Variants in DENND2A observed in about 807,000 individuals in gnomAD.
DENND2A encodes DENN domain containing 2A.
A neutral mutation model predicts 105.3 loss-of-function variants in DENND2A; 53 were observed. That is an observed-to-expected ratio of 0.50 (90% CI 0.40 to 0.63). The LOEUF (loss-of-function observed/expected upper bound fraction) is 0.63. Ranked by LOEUF, DENND2A falls within the 30% of genes least tolerant of loss-of-function variation. The pLI is 0.00. For missense variants in DENND2A, 1,138 were observed against 1,279.6 expected, an observed-to-expected ratio of 0.89 and a Z score of 1.69; for synonymous variants, 522 against 508.4, an observed-to-expected ratio of 1.03 and a Z score of -0.36.
intron 1 of DENND2A, among the ~76,000 whole-genome samples, chr7:140,630,061 A>C (rs544985016): frequency 6.6e-6 from 1 of 151,216 alleles, no homozygotes; most frequent in African/African-American, 2.4e-5. Context: ...GGGTTTCACC[A>C]TGTTGGCCAG....
intron 1 of DENND2A, among the ~76,000 whole-genome samples, chr7:140,623,800 T>G (rs1800396610): frequency 6.6e-6 from 1 of 151,832 alleles, no homozygotes. Context: ...TAGGCCACAG[T>G]ATCAAAAGGT....
intron 14 of DENND2A, chr7:140,543,463 G>C (rs1386841686): frequency 6.6e-6 from 1 of 151,948 alleles, no homozygotes; most frequent in Non-Finnish European, 1.5e-5. Context: ...CTACCACATA[G>C]CAGAGTGTAT....
In DENND2A at chr7:140,551,966, T is replaced by C. The variant is rs75820657; in HGVS notation, c.2037+3670A>G. Among the ~76,000 whole-genome samples, 1,181 of 152,302 alleles carry C rather than the reference T, an allele frequency of 7.8e-3. 15 individuals are homozygous for C. Among genetic ancestry groups the C allele is most frequent in the African/African-American group, 0.027 (1,140 of 41,552 alleles). On this transcript the variant is annotated intron_variant, in intron 12 of 19. Coordinates refer to ENST00000496613, the MANE Select transcript of DENND2A (RefSeq NM_015689.5). ...CAAAGGACTGTGCATCACAGAAATA[T>C]GTTAGCACATTTACTGGCTCCACGT...
At position 140,549,972 on chromosome 7, in the gene DENND2A, C is replaced by T. The variant is rs192726567; in HGVS notation, c.2038-3033G>A. Among the ~76,000 whole-genome samples the T allele has an allele frequency of 3.4e-4, 51 of 152,208 alleles. 4 individuals are homozygous for T. The highest frequency in any genetic ancestry group is 1.9e-4 in the East Asian group (1 of 5,186). ...AGGAATGAAGTACAGATACATGCTA[C>T]GACATGAGTGAACCCTGAAAATATT... On this transcript the variant is annotated intron_variant, in intron 12 of 19. Coordinates refer to ENST00000496613, the MANE Select transcript of DENND2A (RefSeq NM_015689.5).
intron 1 of DENND2A, among the ~76,000 whole-genome samples, chr7:140,632,517 C>T (rs1800767294): frequency 6.6e-6 from 1 of 152,214 alleles, no homozygotes; most frequent in East Asian, 1.9e-4. Context: ...TTTGCAGGGA[C>T]AGTCCAGGTT....
chr7:140,617,706 C>G (rs1005860398), intron 1 of DENND2A, among the ~76,000 whole-genome samples: 1 of 151,936 alleles, frequency 6.6e-6, no homozygotes, highest in Non-Finnish European at 1.5e-5. Flanking sequence ...AGAGTGAGAC[C>G]CTGTCTCAAA....
intron 1 of DENND2A, among the ~76,000 whole-genome samples, chr7:140,622,671 G>A (rs1231622756): frequency 1.3e-5 from 2 of 152,044 alleles, no homozygotes; most frequent in Admixed American, 6.6e-5. Context: ...TTCAACCCCC[G>A]TCCCAGCCCC....
At chr7:140,610,799 G>A (rs1475071541) in intron 1 of DENND2A, among the ~76,000 whole-genome samples, 2 of 152,210 alleles carry the variant, frequency 1.3e-5, no homozygotes, top group Non-Finnish European at 2.9e-5. Context: ...CAAGAGAAGC[G>A]GGCTATGCCT....
intron 15 of DENND2A, among the ~76,000 whole-genome samples, chr7:140,526,558 C>G (rs530580851): frequency 6.6e-6 from 1 of 152,318 alleles, no homozygotes; most frequent in Non-Finnish European, 1.5e-5. Context: ...CCTTCCCACT[C>G]ACACCCTCCG....
At position 140,559,810 on chromosome 7, in the gene DENND2A, C is replaced by A; in HGVS notation, c.1787G>T (p.Arg596Met). ...AGCTTCTCTCATGAACTTGAAAGAC[C>A]TTTCCAACTGCAGGGAGAAAGGTGA... is the stretch of plus-strand genomic sequence containing the variant. ...LTQQFPLKLE[R>M]SFKFMREAED... Residue 596 changes from arginine to methionine, a missense_variant, in exon 10 of 20, where the codon AGG (arginine) becomes ATG (methionine). Transcript: ENST00000496613. This position sits in a 1 kb window ranked among gnomAD's most constrained non-coding sequence, Gnocchi z 4.1. 6.2e-7 allele frequency: 1 copy of A among 1,612,558 alleles called. No individual in the cohort carries two copies.
At position 140,519,638 on chromosome 7, in the gene DENND2A, C is replaced by T. The variant is rs373925432; in HGVS notation, c.2992G>A (p.Gly998Arg). 322 of 1,613,872 alleles carry T rather than the reference C, an allele frequency of 2.0e-4. No individual in the cohort carries two copies. Among genetic ancestry groups the T allele is most frequent in the Non-Finnish European group, 2.6e-4 (311 of 1,179,966 alleles). ...EHSGVNKFLK[G>R]LGNKMKFLHK... ...CCAGAGCCCGGGGCCTTACCTAGTCCCTTCAGGAACTTATTGACACCGCTG... is the reference window on the plus strand; with the variant it reads ...CCAGAGCCCGGGGCCTTACCTAGTCTCTTCAGGAACTTATTGACACCGCTG... Residue 998 changes from glycine (G) to arginine (R), a missense_variant, in exon 19 of 20, where the codon GGA (glycine) becomes AGA (arginine). By Grantham distance (125) the Gly-to-Arg change is moderately radical. Coordinates refer to ENST00000496613, the MANE Select transcript of DENND2A (RefSeq NM_015689.5).
At chr7:140,547,912 A>T (rs1796971921) in intron 12 of DENND2A, among the ~76,000 whole-genome samples, 1 of 152,168 alleles carries the variant, frequency 6.6e-6, no homozygotes, top group Non-Finnish European at 1.5e-5. Flanking sequence ...ACTTAGATGA[A>T]ATGTCCAGAA....
intron 1 of DENND2A, among the ~76,000 whole-genome samples, chr7:140,624,356 A>G (rs1585779252): frequency 8.3e-6 from 1 of 121,024 alleles, no homozygotes; most frequent in East Asian, 2.0e-4. Flanking sequence ...AGGCAAAACA[A>G]CAACAACAAC....
At chr7:140,577,012 C>T (rs1798325563) in intron 5 of DENND2A, among the ~76,000 whole-genome samples, 1 of 152,206 alleles carries the variant, frequency 6.6e-6, no homozygotes. Flanking sequence ...GGAATGGAAA[C>T]ACAACACACA....
In DENND2A at chr7:140,559,784, C is replaced by T; in HGVS notation, c.1813G>A (p.Glu605Lys). 6.2e-7 allele frequency: 1 copy of T among 1,614,148 alleles called. No individual in the cohort carries two copies. Among genetic ancestry groups the T allele is most frequent in the Non-Finnish European group, 8.5e-7 (1 of 1,180,008 alleles). Residue 605 changes from glutamate to lysine, a missense_variant, in exon 10 of 20, where the codon GAG (glutamate) becomes AAG (lysine). Coordinates refer to ENST00000496613, the MANE Select transcript of DENND2A (RefSeq NM_015689.5). The surrounding 1 kb of genome is among the most constrained non-coding windows in gnomAD (Gnocchi z 4.1). The stretch of plus-strand genomic sequence containing the variant: ...TGGGGAATGGCCTTCAGTTGGTCCT[C>T]AGCTTCTCTCATGAACTTGAAAGAC... ...ERSFKFMREA[E>K]DQLKAIPQFC...
chr7:140,552,829 C>T (rs1039822496), intron 12 of DENND2A, among the ~76,000 whole-genome samples: 3 of 152,204 alleles, frequency 2.0e-5, no homozygotes, highest in Non-Finnish European at 2.9e-5. Flanking sequence ...CCTCAGCCTC[C>T]TGACCAGGCA....
Position 140,527,186 on chromosome 7 carries a change from C to T in DENND2A, c.2505+132G>A. ...TGGGCAGGACCCATGCCAGACAAAG[C>T]CCTGGTGCCCCCACGCCCTGCTCCC... On this transcript the variant is annotated intron_variant, in intron 15 of 19. Coordinates refer to ENST00000496613, the MANE Select transcript of DENND2A (RefSeq NM_015689.5). This position sits in a 1 kb window ranked among gnomAD's most constrained non-coding sequence, Gnocchi z 4.9. 3 of 990,074 alleles carry T rather than the reference C, an allele frequency of 3.0e-6. No homozygotes were observed. The highest frequency in any genetic ancestry group is 4.3e-6 in the Non-Finnish European group (3 of 699,074). 61.3% of individuals were successfully genotyped at this position (990,074 alleles called of 1,614,324 possible). A position where few individuals can be genotyped will look rare whatever the true frequency, so the allele number is the denominator to read the frequency against.
At chr7:140,604,173 A>C (rs745826828) in intron 2 of DENND2A, among the ~76,000 whole-genome samples, 1 of 152,228 alleles carries the variant, frequency 6.6e-6, no homozygotes, top group Non-Finnish European at 1.5e-5. Context: ...ACTCCAGTTA[A>C]GGTTCACCGT....
intron 13 of DENND2A, among the ~76,000 whole-genome samples, chr7:140,545,333 C>T (rs1229995186): frequency 6.6e-6 from 1 of 152,082 alleles, no homozygotes; most frequent in Non-Finnish European, 1.5e-5. Flanking sequence ...TATGTGCTTT[C>T]AGCTTTTGTG....
Sources: gnomAD v4.1 joint callset for allele counts (sites outside exome capture counted in the v4.1 genomes callset) on GRCh38, gnomAD v4.1.1 for gene constraint, Gnocchi (gnomAD v3.1) non-coding constraint, MANE v1.5 for transcripts, NCBI Gene and HGNC (gene_info 2026-07-23, HGNC 2026-07-21) for gene names.